TFDP2: variants seen among roughly 807,000 people sequenced by gnomAD.
TFDP2 encodes transcription factor Dp-2, also known as transcription factor Dp-2 (E2F dimerization partner 2).
A neutral mutation model predicts 59.3 loss-of-function variants in TFDP2; 17 were observed. The observed-to-expected ratio is 0.29, with a 90% CI of 0.20 to 0.43. The LOEUF (loss-of-function observed/expected upper bound fraction) is 0.43, where lower values mean the gene tolerates loss of function less well. Among genes scored for constraint, TFDP2 ranks in the 20% least tolerant of loss-of-function variants. TFDP2 has a pLI of 1.00. For synonymous variants in TFDP2, 180 were observed against 194.7 expected (o/e 0.92, Z 0.63); for missense variants, 391 against 528.8 (o/e 0.74, Z 2.56).
intron 1 of TFDP2, among the ~76,000 whole-genome samples, chr3:142,126,908 T>A (rs367959110): frequency 6.3e-5 from 9 of 143,884 alleles, no homozygotes; most frequent in East Asian, 6.1e-4. Flanking sequence ...GTCTTGCCGC[T>A]GCACTCCAGT....
intron 1 of TFDP2, among the ~76,000 whole-genome samples, chr3:142,144,385 G>T (rs191364337): frequency 6.6e-6 from 1 of 151,534 alleles, no homozygotes; most frequent in African/African-American, 2.4e-5. Context: ...AAAAAAAAGC[G>T]GGGCAGCAGG....
At chr3:141,987,187 A>C (rs574971089) in intron 6 of TFDP2, among the ~76,000 whole-genome samples, 14 of 152,314 alleles carry the variant, frequency 9.2e-5, no homozygotes, top group Non-Finnish European at 1.9e-4. Flanking sequence ...GGTGGTGATT[A>C]ACTAGGGATT....
At chr3:142,014,794 C>A (rs1158099609) in intron 3 of TFDP2, among the ~76,000 whole-genome samples, 1 of 152,150 alleles carries the variant, frequency 6.6e-6, no homozygotes, top group Non-Finnish European at 1.5e-5. Flanking sequence ...CATAAACATG[C>A]ATAATTTCTT....
chr3:142,115,334 T>C (rs1010002355), intron 1 of TFDP2, among the ~76,000 whole-genome samples: 8 of 145,624 alleles, frequency 5.5e-5, no homozygotes, highest in Admixed American at 2.1e-4. Context: ...TTTTTTTTTT[T>C]CTGAGACAGA....
At chr3:141,982,206 T>G (rs1297573857) in intron 6 of TFDP2, among the ~76,000 whole-genome samples, 2 of 152,134 alleles carry the variant, frequency 1.3e-5, no homozygotes, top group Non-Finnish European at 2.9e-5. Flanking sequence ...ATACAATATT[T>G]TGGATATATT....
chr3:142,040,130 C>T (rs1397242167), intron 3 of TFDP2, among the ~76,000 whole-genome samples: 5 of 151,888 alleles, frequency 3.3e-5, no homozygotes, highest in African/African-American at 1.2e-4. Context: ...CACACACACA[C>T]ACACACACAG....
chr3:141,994,782 G>A (rs1943108432), intron 5 of TFDP2: 3 of 336,954 alleles, frequency 8.9e-6, no homozygotes, highest in Non-Finnish European at 1.6e-5. Flanking sequence ...CTATTCCAGA[G>A]TTTAAAAAGT....
intron 1 of TFDP2, among the ~76,000 whole-genome samples, chr3:142,138,115 G>A: frequency 6.6e-6 from 1 of 152,156 alleles, no homozygotes; most frequent in African/African-American, 2.4e-5. Context: ...GGGTGTATGT[G>A]TCCAGGAATT....
chr3:142,120,141 T>C (rs2061994844), intron 1 of TFDP2, among the ~76,000 whole-genome samples: 1 of 151,202 alleles, frequency 6.6e-6, no homozygotes, highest in African/African-American at 2.4e-5. Flanking sequence ...GACGGGCAGA[T>C]CACAAGGTCA....
At chr3:142,043,343 G>A (rs1489392173) in intron 3 of TFDP2, among the ~76,000 whole-genome samples, 2 of 151,838 alleles carry the variant, frequency 1.3e-5, no homozygotes, top group Middle Eastern at 3.4e-3. Flanking sequence ...CACCGCGCCC[G>A]GCCGCTTATT....
At chr3:141,999,559 T>C (rs1042374148) in intron 4 of TFDP2, among the ~76,000 whole-genome samples, 1 of 152,102 alleles carries the variant, frequency 6.6e-6, no homozygotes, top group Non-Finnish European at 1.5e-5. Context: ...GGCAAGTATC[T>C]CAAACTAAAA....
intron 3 of TFDP2, among the ~76,000 whole-genome samples, chr3:142,078,691 C>G (rs1268304912): frequency 6.6e-6 from 1 of 152,108 alleles, no homozygotes; most frequent in Non-Finnish European, 1.5e-5. Context: ...TACAAACAAG[C>G]CCAGACACCA....
At chr3:142,097,106 A>C (rs2061186208) in intron 2 of TFDP2, among the ~76,000 whole-genome samples, 1 of 152,226 alleles carries the variant, frequency 6.6e-6, no homozygotes, top group Admixed American at 6.5e-5. Context: ...AATAAATTGC[A>C]CACCATTTTT....
chr3:142,012,068 A>G lies in TFDP2; in HGVS notation c.83-6524T>C, dbSNP rs544671822. ...CGCTCTGTCACCCAGGCTGGAGTGC[A>G]GTGGTGTGAGCTTGGCTCACTGCAA... On this transcript the variant is annotated intron_variant, in intron 3 of 12. Coordinates refer to ENST00000489671, the MANE Select transcript of TFDP2 (RefSeq NM_001178139.2). 4.9e-3 allele frequency among the ~76,000 whole-genome samples: 695 copies of G among 143,076 alleles called. 6 individuals carry two copies. The highest frequency in any genetic ancestry group is 0.017 in the African/African-American group (647 of 38,028). The allele number at this position is 143,076 out of a possible 152,430, so 93.9% of individuals were successfully genotyped here. A position where few individuals can be genotyped will look rare whatever the true frequency, so the allele number is the denominator to read the frequency against.
intron 9 of TFDP2, among the ~76,000 whole-genome samples, chr3:141,968,775 T>C (rs1452322352): frequency 1.3e-5 from 1 of 78,526 alleles, no homozygotes; most frequent in Non-Finnish European, 2.4e-5. Flanking sequence ...ATATATCTCA[T>C]ATATAGATAT....
intron 6 of TFDP2, among the ~76,000 whole-genome samples, chr3:141,984,962 A>G (rs2108109353): frequency 6.6e-6 from 1 of 152,166 alleles, no homozygotes; most frequent in South Asian, 2.1e-4. Context: ...GTGGAGCAGG[A>G]CTACCCCATA....
intron 6 of TFDP2, among the ~76,000 whole-genome samples, chr3:141,978,925 C>T (rs149109367): frequency 9.2e-5 from 14 of 152,186 alleles, no homozygotes; most frequent in South Asian, 2.1e-4. Context: ...TATTTATTGA[C>T]CAGTTACTAT....
At chr3:142,088,551 T>C (rs905320401) in intron 3 of TFDP2, among the ~76,000 whole-genome samples, 1 of 151,646 alleles carries the variant, frequency 6.6e-6, no homozygotes, top group African/African-American at 2.4e-5. Flanking sequence ...GGCTGGGGGC[T>C]CGAACTTCCC....
chr3:142,131,544 A>G (rs2062502210), intron 1 of TFDP2, among the ~76,000 whole-genome samples: 1 of 150,334 alleles, frequency 6.7e-6, no homozygotes, highest in Non-Finnish European at 1.5e-5. Flanking sequence ...ACAAGGACCC[A>G]TATGTTAAAT....
Sources: allele counts gnomAD v4.1 joint callset (sites outside exome capture counted in the v4.1 genomes callset), GRCh38; gene constraint gnomAD v4.1.1; transcripts MANE v1.5; gene names NCBI Gene and HGNC (gene_info 2026-07-23, HGNC 2026-07-21).